The following CSMD2 variants were observed in gnomAD, a reference collection of about 807,000 sequenced individuals.
The protein encoded by CSMD2 is CUB and Sushi multiple domains 2.
A neutral mutation model predicts 398.5 loss-of-function variants in CSMD2; 130 were observed. The observed-to-expected ratio is 0.33, with a 90% confidence interval of 0.28 to 0.38. The LOEUF (loss-of-function observed/expected upper bound fraction) is 0.38, where lower values mean the gene tolerates loss of function less well. Among genes scored for constraint, CSMD2 ranks in the 10% least tolerant of loss-of-function variants. The pLI, the probability that CSMD2 is intolerant of heterozygous loss-of-function variation, is 1.00. For synonymous variants in CSMD2, 1,828 were observed against 1,908.5 expected, an observed-to-expected ratio of 0.96 and a Z score of 1.10; for missense variants, 3,829 against 4,764.9, an observed-to-expected ratio of 0.80 and a Z score of 5.78.
At chr1:33,884,262 A>C (rs1427839070) in intron 5 of CSMD2, among the ~76,000 whole-genome samples, 2 of 151,608 alleles carry the variant, frequency 1.3e-5, no homozygotes, top group Non-Finnish European at 2.9e-5. Flanking sequence ...CCAGACATCT[A>C]TTTTCAACCT....
chr1:33,971,749 G>C (rs1389837032), intron 3 of CSMD2, among the ~76,000 whole-genome samples: 1 of 152,146 alleles, frequency 6.6e-6, no homozygotes, highest in Non-Finnish European at 1.5e-5. Flanking sequence ...GGGTGAGAGG[G>C]GGTGCCTCCA....
Position 33,524,935 on chromosome 1 carries a change from C to T in CSMD2, c.10343G>A (p.Ser3448Asn), listed in dbSNP as rs1456501239. 1.2e-6 allele frequency: 2 copies of T among 1,614,220 alleles called. No individual in the cohort carries two copies. The highest frequency in any genetic ancestry group is 1.1e-5 in the South Asian group (1 of 91,086). Residue 3448 changes from serine (S) to asparagine (N), a missense_variant, in exon 66 of 71, where the codon AGC (serine) becomes AAC (asparagine). Ser to Asn is a conservative substitution (Grantham distance 46, BLOSUM62 1). Around this residue, in one of 5 missense-constraint regions of CSMD2, gnomAD observed 917 missense variants for 1,199.5 expected, o/e 0.76. Coordinates refer to ENST00000373381, the MANE Select transcript of CSMD2 (RefSeq NM_001281956.2). ...GTCGATCATGGTGGCATTGACCTTG[C>T]TGTTGGCAACTTGGAAGCCAGTCAC... is the stretch of plus-strand genomic sequence containing the variant. ...LRVTGFQVAN[S>N]KVNATMIDHS...
chr1:34,025,144 C>A (rs375407428), intron 3 of CSMD2, among the ~76,000 whole-genome samples: 2 of 152,236 alleles, frequency 1.3e-5, no homozygotes, highest in Admixed American at 6.5e-5. Context: ...GCAGCTCTGG[C>A]TCCATCTGTC....
intron 1 of CSMD2, among the ~76,000 whole-genome samples, chr1:34,159,559 T>C (rs1571303580): frequency 6.6e-6 from 1 of 152,212 alleles, no homozygotes; most frequent in South Asian, 2.1e-4. Flanking sequence ...AGATATGGCG[T>C]CAGCCAGGCC....
At chr1:33,610,159 T>G (rs1640898477) in intron 41 of CSMD2, among the ~76,000 whole-genome samples, 1 of 152,142 alleles carries the variant, frequency 6.6e-6, no homozygotes, top group South Asian at 2.1e-4. Flanking sequence ...GGCACTTGGC[T>G]TATGGTATTT....
chr1:33,577,113 C>A (rs1263214479), intron 49 of CSMD2, among the ~76,000 whole-genome samples, 183 bp downstream of exon 49: 3 of 152,222 alleles, frequency 2.0e-5, no homozygotes, highest in African/African-American at 7.2e-5. Flanking sequence ...ACATACCCAT[C>A]TCCCCCATGG....
chr1:33,825,745 C>T lies in CSMD2; in HGVS notation c.1063G>A (p.Gly355Ser). The change falls in exon 7 of 71, where the codon GGT becomes AGT. Residue 355 changes from glycine to serine, a missense_variant. By Grantham distance (56) the Gly-to-Ser change is moderately conservative (BLOSUM62 0). Coordinates refer to ENST00000373381, the MANE Select transcript of CSMD2 (RefSeq NM_001281956.2). ...TCTTTGCTGGGCATCAGCTTCACAC[C>T]TCGAGACTTCAACTCAATTTGCTTC... The part of the protein sequence containing the change: ...VKKQIELKSR[G>S]VKLMPSKDNS... 2 of 1,614,090 alleles carry T rather than the reference C, an allele frequency of 1.2e-6. No homozygotes were observed. The highest frequency in any genetic ancestry group is 1.7e-6 in the Non-Finnish European group (2 of 1,179,994).
chr1:33,686,470 G>T (rs1029750151), intron 25 of CSMD2, among the ~76,000 whole-genome samples: 1 of 152,200 alleles, frequency 6.6e-6, no homozygotes, highest in African/African-American at 2.4e-5. Context: ...GCCAGATGCT[G>T]TAGGTATTAC....
At chr1:34,066,649 T>C (rs756384854) in intron 2 of CSMD2, among the ~76,000 whole-genome samples, 4 of 151,072 alleles carry the variant, frequency 2.6e-5, no homozygotes, top group Non-Finnish European at 5.9e-5. Flanking sequence ...GAGAGGCAGG[T>C]GGAGTCTTGC....
intron 64 of CSMD2, among the ~76,000 whole-genome samples, chr1:33,531,226 TTTTA>T (rs1009369258): frequency 1.3e-5 from 2 of 152,186 alleles, no homozygotes; most frequent in Non-Finnish European, 2.9e-5. Flanking sequence ...TATATACAAC[TTTTA>T]TTTGTCAATT....
At chr1:34,105,094 C>T (rs1327924837) in intron 1 of CSMD2, among the ~76,000 whole-genome samples, 2 of 152,222 alleles carry the variant, frequency 1.3e-5, no homozygotes, top group African/African-American at 2.4e-5. Flanking sequence ...TGCTGGGTGA[C>T]ACAATTATCA....
intron 11 of CSMD2, among the ~76,000 whole-genome samples, chr1:33,791,401 A>AC: frequency 6.6e-6 from 1 of 151,994 alleles, no homozygotes; most frequent in Admixed American, 6.5e-5. Context: ...GTGACACTCC[A>AC]CCTCCTTCCT....
At chr1:33,643,845 G>A (rs1436664984) in intron 29 of CSMD2, among the ~76,000 whole-genome samples, 1 of 151,902 alleles carries the variant, frequency 6.6e-6, no homozygotes, top group Non-Finnish European at 1.5e-5. Context: ...GGCCCAGGGA[G>A]ATAGTAGAGG....
intron 29 of CSMD2, 58 bp downstream of exon 29, chr1:33,646,590 G>C: frequency 6.4e-7 from 1 of 1,569,842 alleles, no homozygotes; most frequent in Non-Finnish European, 8.7e-7. Flanking sequence ...TACACTACTT[G>C]CCCTCTGCCT....
intron 1 of CSMD2, among the ~76,000 whole-genome samples, chr1:34,141,589 G>C (rs1386029528): frequency 6.6e-6 from 1 of 152,184 alleles, no homozygotes; most frequent in Non-Finnish European, 1.5e-5. Flanking sequence ...CCAACACCCA[G>C]TGTGTCTGAG....
At chr1:33,914,624 C>T (rs1643632271) in intron 5 of CSMD2, among the ~76,000 whole-genome samples, 1 of 152,152 alleles carries the variant, frequency 6.6e-6, no homozygotes, top group Admixed American at 6.5e-5. Context: ...GTGCTCACCA[C>T]AGTAACAGCT....
intron 32 of CSMD2, among the ~76,000 whole-genome samples, chr1:33,631,180 G>A (rs1402415456): frequency 2.0e-5 from 3 of 152,038 alleles, no homozygotes; most frequent in Non-Finnish European, 4.4e-5. Flanking sequence ...GATGATGAAT[G>A]CACGATGCAG....
At chr1:34,008,248 C>T (rs146837849) in intron 3 of CSMD2, among the ~76,000 whole-genome samples, 156 of 152,290 alleles carry the variant, frequency 1.0e-3, no homozygotes, top group African/African-American at 3.3e-3. Flanking sequence ...GTGAAGAAGG[C>T]AGAGCAGGTG....
chr1:33,842,880 T>A (rs570246165), intron 6 of CSMD2, among the ~76,000 whole-genome samples: 1 of 152,224 alleles, frequency 6.6e-6, no homozygotes, highest in Admixed American at 6.5e-5. Context: ...CGCATGGAAG[T>A]AGTTGTGGTT....
Sources: gnomAD v4.1 joint callset for allele counts (sites outside exome capture counted in the v4.1 genomes callset) on GRCh38, gnomAD v4.1.1 for gene constraint, gnomAD v4.1.1 regional missense constraint, MANE v1.5 for transcripts, NCBI Gene and HGNC (gene_info 2026-07-23, HGNC 2026-07-21) for gene names.